Variants in CHDH observed in about 807,000 individuals in gnomAD.
The protein encoded by CHDH is choline dehydrogenase, mitochondrial.
A neutral mutation model predicts 56.9 loss-of-function variants in CHDH; 43 were observed. That is an observed-to-expected ratio of 0.76 (90% CI 0.59 to 0.97). The LOEUF (loss-of-function observed/expected upper bound fraction) is 0.97, where lower values mean the gene tolerates loss of function less well. CHDH is among the 50% of genes least tolerant of loss of function. The pLI, the probability that CHDH is intolerant of heterozygous loss-of-function variation, is 0.00. For synonymous variants in CHDH, 364 were observed against 348.5 expected (o/e 1.04, Z -0.50); for missense variants, 816 against 821.1 (o/e 0.99, Z 0.08).
Position 53,820,482 on chromosome 3 carries a change from T to C in CHDH, c.1112A>G (p.Lys371Arg). 1 of 1,611,772 alleles carries C rather than the reference T, an allele frequency of 6.2e-7. No homozygotes were observed. Among genetic ancestry groups the C allele is most frequent in the Non-Finnish European group, 8.5e-7 (1 of 1,178,874 alleles). Reference sequence around the variant, plus strand: ...CTGGTAAGCGTGCTCACCTGTGAATTTCCAGAGCCACTCCAGACCAATGCA... The same window carrying C: ...CTGGTAAGCGTGCTCACCTGTGAATCTCCAGAGCCACTCCAGACCAATGCA... ...KVCIGLEWLWKFTGEGATAHL... is the reference protein window; with the variant it reads ...KVCIGLEWLWRFTGEGATAHL... The change falls in exon 6 of 9, where the codon AAA becomes AGA. Residue 371 changes from lysine (K) to arginine (R), a missense_variant. Coordinates refer to ENST00000315251, the MANE Select transcript of CHDH (RefSeq NM_018397.5).
rs1286733985 is a variant in CHDH at position 53,822,638 on chromosome 3, T to C, written c.708A>G (p.Lys236=). The C allele has an allele frequency of 1.9e-6, 3 of 1,607,558 alleles. No individual in the cohort carries two copies. Among genetic ancestry groups the C allele is most frequent in the Admixed American group, 3.3e-5 (2 of 59,988 alleles). The change falls in exon 4 of 9, where the codon AAA becomes AAG. Residue 236 remains lysine (K), a synonymous_variant. Transcript: ENST00000315251. ...GWMDMTIHEG[K]RWSAACAYLH... ...GGTAGGCACAGGCCGCGCTCCACCG[T>C]TTGCCTGCAGGATGGAGTGAGGTGG... is the stretch of plus-strand genomic sequence containing the variant.
chr3:53,817,557 CAA>C lies in CHDH; in HGVS notation c.*218_*219del. The C allele has an allele frequency of 1.8e-6, 1 of 540,788 alleles. No individual in the cohort carries two copies. The highest frequency in any genetic ancestry group is 3.2e-6 in the Non-Finnish European group (1 of 310,044). The allele number at this position is 540,788 out of a possible 1,614,324, so 33.5% of individuals were successfully genotyped here. ...TCTCAGGCTGAATGCTGGCCTTCCC[CAA>C]ATGGCCCACAGGGAAAGGCTGGGGA... On this transcript the variant is annotated 3_prime_UTR_variant, in exon 9 of 9. Transcript: ENST00000315251.
At chr3:53,832,236 C>T (rs1325845801) in intron 2 of CHDH, among the ~76,000 whole-genome samples, 4 of 152,164 alleles carry the variant, frequency 2.6e-5, no homozygotes, top group African/African-American at 9.7e-5. Flanking sequence ...AAATGTCTAT[C>T]AACAGGTGAG....
Position 53,821,736 on chromosome 3 carries a change from A to C in CHDH, c.896T>G (p.Ile299Ser). The stretch of plus-strand genomic sequence containing the variant: ...GAGCATGAGCAGCTGTGGAGAGTTG[A>C]TGGCACCTCCACTCAGAATCACCTC... ...SKEVILSGGA[I>S]NSPQLLMLSG... is the part of the protein sequence containing the mutation. The change falls in exon 5 of 9, where the codon ATC becomes AGC. Residue 299 changes from isoleucine to serine, a missense_variant. Coordinates refer to ENST00000315251, the MANE Select transcript of CHDH (RefSeq NM_018397.5). The C allele has an allele frequency of 6.2e-7, 1 of 1,614,038 alleles. No individual in the cohort carries two copies. The highest frequency in any genetic ancestry group is 1.3e-5 in the African/African-American group (1 of 75,010).
chr3:53,825,247 C>G (rs866645601), intron 2 of CHDH, among the ~76,000 whole-genome samples: 5 of 152,240 alleles, frequency 3.3e-5, no homozygotes, highest in Middle Eastern at 3.4e-3. Context: ...AGGATACATA[C>G]CAAAAAGCAA....
In CHDH at chr3:53,816,123, G is replaced by A. The variant is rs1265475569; in HGVS notation, c.*1654C>T. 7.4e-6 allele frequency: 1 copy of A among 135,082 alleles called. No homozygotes were observed. Among genetic ancestry groups the A allele is most frequent in the African/African-American group, 2.9e-5 (1 of 34,244 alleles). 8.4% of individuals were successfully genotyped at this position (135,082 alleles called of 1,614,324 possible). A position where few individuals can be genotyped will look rare whatever the true frequency, so the allele number is the denominator to read the frequency against. ...GTTTTTCTCAGAAAACTAACTTGTG[G>A]CTGTCGGACGCCCCCCCCCCCCGCC... On this transcript the variant is annotated 3_prime_UTR_variant, in exon 9 of 9. Transcript: ENST00000315251.
rs187985999 is a variant in CHDH at position 53,835,672 on chromosome 3, G to A, written c.-60+5257C>T. Reference sequence around the variant, plus strand: ...GGCTTTGTGTGGGTAAGAACACACTGCTCTGTGGCTGCCTTTATCTGATCA... The same window carrying A: ...GGCTTTGTGTGGGTAAGAACACACTACTCTGTGGCTGCCTTTATCTGATCA... On this transcript the variant is annotated intron_variant, in intron 2 of 8. Transcript: ENST00000315251. 9.8e-5 allele frequency among the ~76,000 whole-genome samples: 15 copies of A among 152,314 alleles called. No individual in the cohort carries two copies. In the East Asian group the frequency reaches 2.9e-3, roughly 29 times the overall value.
chr3:53,833,514 G>A (rs1698404525), intron 2 of CHDH, among the ~76,000 whole-genome samples: 2 of 152,232 alleles, frequency 1.3e-5, no homozygotes, highest in South Asian at 4.1e-4. Context: ...TCCCTGGGCT[G>A]CCTGGGCAGG....
intron 2 of CHDH, among the ~76,000 whole-genome samples, chr3:53,833,258 G>A (rs1478731888): frequency 1.3e-5 from 2 of 152,214 alleles, no homozygotes; most frequent in African/African-American, 4.8e-5. Context: ...GGTGGCGGCA[G>A]GTCATTTACT....
chr3:53,839,899 C>T lies in CHDH; in HGVS notation c.-60+1030G>A, dbSNP rs566647688. 1.2e-4 allele frequency among the ~76,000 whole-genome samples: 19 copies of T among 152,224 alleles called. No homozygotes were observed. The South Asian group carries it at 3.1e-3, about 25-fold the overall frequency. On this transcript the variant is annotated intron_variant, in intron 2 of 8. Transcript: ENST00000315251. ...ATTCAACCATCACAAAGAATGAGTT[C>T]CTGTCATTTGCAGCAACACTGATGG...
Position 53,819,455 on chromosome 3 carries a change from C to T in CHDH, c.1263+77G>A. ...CCATATGGCACCAGGGAGAATGCTGCCTTGGAAGATGGGAGCATCTTCCTT... is the reference window on the plus strand; with the variant it reads ...CCATATGGCACCAGGGAGAATGCTGTCTTGGAAGATGGGAGCATCTTCCTT... On this transcript the variant is annotated intron_variant, in intron 7 of 8. Coordinates refer to ENST00000315251, the MANE Select transcript of CHDH (RefSeq NM_018397.5). The surrounding 1 kb of genome is among the most constrained non-coding windows in gnomAD (Gnocchi z 5.4). 1 of 1,533,358 alleles carries T rather than the reference C, an allele frequency of 6.5e-7. No individual in the cohort carries two copies. Among genetic ancestry groups the T allele is most frequent in the Non-Finnish European group, 8.8e-7 (1 of 1,135,624 alleles). The allele number at this position is 1,533,358 out of a possible 1,614,324, so 95.0% of individuals were successfully genotyped here.
rs1202801737 is a variant in CHDH, at chr3:53,819,690, G to A, written c.1121-16C>T. On this transcript the variant is annotated splice_polypyrimidine_tract_variant and intron_variant, in intron 6 of 8. Transcript: ENST00000315251. The surrounding 1 kb of genome is among the most constrained non-coding windows in gnomAD (Gnocchi z 5.4). The stretch of plus-strand genomic sequence containing the variant: ...GCTCCCTCCCCTGAGAAGCAGAAGA[G>A]GATGAGGCAGAAGAGCCAGTCAGGC... 2.5e-6 allele frequency: 4 copies of A among 1,577,232 alleles called. No homozygotes were observed. Among genetic ancestry groups the A allele is most frequent in the Non-Finnish European group, 2.6e-6 (3 of 1,160,662 alleles).
At chr3:53,821,606 G>C (rs2095626643) in intron 5 of CHDH, 41 bp downstream of exon 5, 2 of 1,587,622 alleles carry the variant, frequency 1.3e-6, no homozygotes, top group Admixed American at 1.7e-5. Flanking sequence ...CTTTTGTTGA[G>C]CAGAGACAGC....
At chr3:53,824,195 A>C in intron 2 of CHDH, 128 bp from the exon 3 acceptor site, 2 of 546,194 alleles carry the variant, frequency 3.7e-6, no homozygotes, top group Non-Finnish European at 6.2e-6. Flanking sequence ...TAGGAGGAGG[A>C]AGTGAGGGAC....
At position 53,818,064 on chromosome 3, in the gene CHDH, C is replaced by CATCT. The variant is rs1387249074; in HGVS notation, c.1494_1497dup (p.Ala500ArgfsTer19). The CATCT allele has an allele frequency of 8.1e-6, 13 of 1,614,172 alleles. No homozygotes were observed. The highest frequency in any genetic ancestry group is 2.2e-5 in the East Asian group (1 of 44,888). ...CTGTCGGCTTTTGCCCGCACAAAGG[C>CATCT]ATCTATCTCTTTATCTGACTGAATG... On this transcript the variant is annotated frameshift_variant, in exon 9 of 9. Coordinates refer to ENST00000315251, the MANE Select transcript of CHDH (RefSeq NM_018397.5). LOFTEE classifies it high-confidence loss of function.
At chr3:53,824,127 A>C in intron 2 of CHDH, 60 bp from the exon 3 acceptor site, 9 of 1,017,692 alleles carry the variant, frequency 8.8e-6, no homozygotes, top group Non-Finnish European at 1.2e-5. Context: ...TATGCTCACC[A>C]ACGGCCTGCC....
rs1253241651 is a variant in CHDH at position 53,812,738 on chromosome 3, T to A, written c.*5039A>T. 2 of 152,286 alleles carry A rather than the reference T, an allele frequency of 1.3e-5. No individual in the cohort carries two copies. Among genetic ancestry groups the A allele is most frequent in the Non-Finnish European group, 2.9e-5 (2 of 68,070 alleles). 9.4% of individuals were successfully genotyped at this position (152,286 alleles called of 1,614,324 possible). ...ATAGGTGGATGAGATATAGCTGCTC[T>A]TGTCCTCTGGGGACTGGTGGTGCTG... is the stretch of plus-strand genomic sequence containing the variant. On this transcript the variant is annotated 3_prime_UTR_variant, in exon 9 of 9. Transcript: ENST00000315251.
chr3:53,834,444 C>CA (rs1256712276), intron 2 of CHDH, among the ~76,000 whole-genome samples: 3 of 151,168 alleles, frequency 2.0e-5, no homozygotes, highest in African/African-American at 7.3e-5. Flanking sequence ...GAGACTCTTT[C>CA]AAAAAAACAA....
chr3:53,838,229 G>A (rs532283513), intron 2 of CHDH, among the ~76,000 whole-genome samples: 1 of 152,192 alleles, frequency 6.6e-6, no homozygotes, highest in South Asian at 2.1e-4. Flanking sequence ...GTCTGTGCAG[G>A]TGCTGCGGGC....
Sources: gnomAD v4.1 joint callset for allele counts (sites outside exome capture counted in the v4.1 genomes callset) on GRCh38, gnomAD v4.1.1 for gene constraint, Gnocchi (gnomAD v3.1) non-coding constraint, MANE v1.5 for transcripts, NCBI Gene and HGNC (gene_info 2026-07-23, HGNC 2026-07-21) for gene names.